ATG5: variants seen among roughly 807,000 people sequenced by gnomAD.
The protein encoded by ATG5 is autophagy protein 5.
ATG5 carries 14 observed loss-of-function variants against 36.5 expected under a neutral mutation model. The ratio of observed to expected loss-of-function variants is 0.38; its 90% confidence interval spans 0.25 to 0.60. The LOEUF (loss-of-function observed/expected upper bound fraction) is 0.60, where lower values mean the gene tolerates loss of function less well. Among genes scored for constraint, ATG5 ranks in the 20% least tolerant of loss-of-function variants. ATG5 has a pLI of 0.60. For synonymous variants in ATG5, 95 were observed against 101.5 expected, an observed-to-expected ratio of 0.94 and a Z score of 0.38; for missense variants, 195 against 326.7, an observed-to-expected ratio of 0.60 and a Z score of 3.11.
At position 106,184,668 on chromosome 6, in the gene ATG5, T is replaced by C. The variant is rs1398285594; in HGVS notation, c.*1872A>G. ...TGAATGAGGAAGTAAAAATGGGCAA[T>C]GTCTTCATAAAATTTACTTTCAAAT... On this transcript the variant is annotated 3_prime_UTR_variant, in exon 8 of 8. Transcript: ENST00000369076. The C allele has an allele frequency of 6.6e-6, 1 of 152,290 alleles. No individual in the cohort carries two copies. Among genetic ancestry groups the C allele is most frequent in the Non-Finnish European group, 1.5e-5 (1 of 68,008 alleles). 9.4% of individuals were successfully genotyped at this position (152,290 alleles called of 1,614,324 possible).
intron 1 of ATG5, among the ~76,000 whole-genome samples, chr6:106,323,600 C>G (rs886242317): frequency 4.6e-5 from 7 of 152,124 alleles, no homozygotes; most frequent in Non-Finnish European, 7.3e-5. Context: ...CCTTCTTCTA[C>G]CTGACTGCTC....
intron 5 of ATG5, among the ~76,000 whole-genome samples, chr6:106,272,588 T>C (rs549616383): frequency 6.6e-6 from 1 of 152,326 alleles, no homozygotes; most frequent in East Asian, 1.9e-4. Context: ...ACTCCAGTTA[T>C]AAATGTAACA....
intron 6 of ATG5, among the ~76,000 whole-genome samples, chr6:106,211,981 G>A (rs2743556): frequency 0.42 from 63,978 of 152,002 alleles, 13,752 homozygotes; most frequent in Admixed American, 0.52. Flanking sequence ...TTGCTTAAGT[G>A]TATCACAGGA....
At chr6:106,205,718 GTAT>G (rs1271196183) in intron 6 of ATG5, among the ~76,000 whole-genome samples, 1 of 151,940 alleles carries the variant, frequency 6.6e-6, no homozygotes, top group Non-Finnish European at 1.5e-5. Context: ...ATCTGAGCAA[GTAT>G]TATAAAGGTA....
intron 5 of ATG5, among the ~76,000 whole-genome samples, chr6:106,272,426 T>TA (rs1321756608): frequency 6.6e-6 from 1 of 152,212 alleles, no homozygotes; most frequent in African/African-American, 2.4e-5. Context: ...TTGACCTCCT[T>TA]ACCACTCTCG....
At chr6:106,250,988 C>A (rs1245777388) in intron 5 of ATG5, among the ~76,000 whole-genome samples, 1 of 152,198 alleles carries the variant, frequency 6.6e-6, no homozygotes, top group South Asian at 2.1e-4. Flanking sequence ...TGTCCAGATA[C>A]GCAAGTCTCT....
intron 6 of ATG5, among the ~76,000 whole-genome samples, chr6:106,223,342 A>C (rs1215119138): frequency 6.6e-6 from 1 of 152,220 alleles, no homozygotes; most frequent in Non-Finnish European, 1.5e-5. Flanking sequence ...AACTATTCCA[A>C]TAAAGCTGGA....
At position 106,275,751 on chromosome 6, in the gene ATG5, T is replaced by C. The variant is rs187231867; in HGVS notation, c.478+3910A>G. On this transcript the variant is annotated intron_variant, in intron 5 of 7. Coordinates refer to ENST00000369076, the MANE Select transcript of ATG5 (RefSeq NM_004849.4). ...ATTATGTTATACCCAGTTCTGAATG[T>C]GTAACATTTTGAGTCAGACTTCAGG... Among the ~76,000 whole-genome samples the C allele has an allele frequency of 2.6e-5, 4 of 152,356 alleles. No homozygotes were observed. The East Asian group carries it at 7.7e-4, about 29-fold the overall frequency.
intron 7 of ATG5, among the ~76,000 whole-genome samples, chr6:106,200,624 C>T (rs1318429331): frequency 1.3e-5 from 2 of 151,992 alleles, no homozygotes; most frequent in African/African-American, 4.8e-5. Context: ...ACAGGCGCCC[C>T]GCCACCACGC....
At chr6:106,251,977 G>T (rs934087571) in intron 5 of ATG5, among the ~76,000 whole-genome samples, 3 of 151,768 alleles carry the variant, frequency 2.0e-5, no homozygotes, top group South Asian at 4.1e-4. Context: ...AGTAGCTGGG[G>T]TTATAGGCAT....
intron 2 of ATG5, among the ~76,000 whole-genome samples, chr6:106,314,855 A>G (rs936341886): frequency 3.3e-5 from 5 of 152,236 alleles, no homozygotes; most frequent in Non-Finnish European, 5.9e-5. Flanking sequence ...TTCTAGACAG[A>G]AAACGGTTGA....
At chr6:106,317,246 A>G (rs930378816) in intron 1 of ATG5, among the ~76,000 whole-genome samples, 1 of 152,226 alleles carries the variant, frequency 6.6e-6, no homozygotes, top group Non-Finnish European at 1.5e-5. Flanking sequence ...CCTGGATACT[A>G]AGATTCAATA....
intron 5 of ATG5, among the ~76,000 whole-genome samples, chr6:106,248,842 G>A (rs139504130): frequency 0.021 from 3,166 of 152,238 alleles, 99 homozygotes; most frequent in African/African-American, 0.073. Flanking sequence ...GGAGGCTGAG[G>A]CAGGAGAATT....
intron 6 of ATG5, among the ~76,000 whole-genome samples, chr6:106,224,890 A>G (rs550047134): frequency 2.6e-5 from 4 of 152,222 alleles, no homozygotes; most frequent in African/African-American, 9.7e-5. Flanking sequence ...CTCAAAAAAC[A>G]AACAAACAAA....
At chr6:106,322,119 G>A (rs1771103343) in intron 1 of ATG5, among the ~76,000 whole-genome samples, 1 of 152,050 alleles carries the variant, frequency 6.6e-6, no homozygotes, top group Non-Finnish European at 1.5e-5. Flanking sequence ...AACCTGTGAC[G>A]CAATCTACTA....
intron 6 of ATG5, among the ~76,000 whole-genome samples, chr6:106,244,888 A>T (rs1485808064): frequency 1.3e-5 from 2 of 152,216 alleles, no homozygotes; most frequent in Non-Finnish European, 2.9e-5. Flanking sequence ...AACAGATATG[A>T]TGTGCTTAAT....
intron 6 of ATG5, among the ~76,000 whole-genome samples, chr6:106,228,550 C>T (rs914526550): frequency 5.9e-5 from 9 of 152,130 alleles, no homozygotes; most frequent in African/African-American, 1.9e-4. Flanking sequence ...GGCCAAGAAC[C>T]CCAGGTCAGA....
rs570569186 is a variant in ATG5, at chr6:106,251,525, T to TA, written c.479-3282dup. On this transcript the variant is annotated intron_variant, in intron 5 of 7. Coordinates refer to ENST00000369076, the MANE Select transcript of ATG5 (RefSeq NM_004849.4). The stretch of plus-strand genomic sequence containing the variant: ...AACTATGTTTAAAAGGAAGACACGA[T>TA]AAAAAAAAAATCTGTATTAATTGAT... Among the ~76,000 whole-genome samples the TA allele has an allele frequency of 3.1e-3, 436 of 139,498 alleles. 2 individuals are homozygous for TA. Among genetic ancestry groups the TA allele is most frequent in the African/African-American group, 9.8e-3 (370 of 37,584 alleles). The allele number at this position is 139,498 out of a possible 152,430, so 91.5% of individuals were successfully genotyped here. A position where few individuals can be genotyped will look rare whatever the true frequency, so the allele number is the denominator to read the frequency against.
At chr6:106,239,235 G>A (rs182636148) in intron 6 of ATG5, among the ~76,000 whole-genome samples, 111 of 151,076 alleles carry the variant, frequency 7.3e-4, no homozygotes, top group Non-Finnish European at 1.3e-3. Flanking sequence ...AACTAGAAAT[G>A]GAAACAAAAT....
Sources: allele counts gnomAD v4.1 joint callset (sites outside exome capture counted in the v4.1 genomes callset), GRCh38; gene constraint gnomAD v4.1.1; transcripts MANE v1.5; gene names NCBI Gene and HGNC (gene_info 2026-07-23, HGNC 2026-07-21).